PTPRS: variants seen among roughly 807,000 people sequenced by gnomAD.
PTPRS encodes receptor-type tyrosine-protein phosphatase S.
Under a neutral mutation model 215.3 loss-of-function variants are expected in PTPRS, and 63 were observed. That is an observed-to-expected ratio of 0.29 (90% confidence interval 0.24 to 0.36). The LOEUF (loss-of-function observed/expected upper bound fraction) is 0.36. Ranked by LOEUF, PTPRS falls within the 10% of genes least tolerant of loss-of-function variation. The probability of loss-of-function intolerance (pLI) is 1.00; values close to 1 mark genes in which losing one functional copy is unlikely to be tolerated. For missense variants in PTPRS, 2,258 were observed against 2,825.8 expected, an observed-to-expected ratio of 0.80 and a Z score of 4.56; for synonymous variants, 1,404 against 1,191.4, an observed-to-expected ratio of 1.18 and a Z score of -3.68.
At chr19:5,236,817 G>A (rs1483838710) in intron 13 of PTPRS, among the ~76,000 whole-genome samples, 1 of 150,826 alleles carries the variant, frequency 6.6e-6, no homozygotes, top group African/African-American at 2.5e-5. Flanking sequence ...AAGGTGCCCG[G>A]GGGGTGCGGG....
chr19:5,269,240 G>T (rs530935456), intron 4 of PTPRS, among the ~76,000 whole-genome samples: 1 of 152,084 alleles, frequency 6.6e-6, no homozygotes. Context: ...GCCCCGCAGG[G>T]GTCCCCATAA....
intron 1 of PTPRS, among the ~76,000 whole-genome samples, chr19:5,291,453 C>A (rs2048809660): frequency 6.6e-6 from 1 of 152,104 alleles, no homozygotes; most frequent in African/African-American, 2.4e-5. Context: ...GTGTGTCCCC[C>A]ATGCTGGCTT....
chr19:5,280,700 G>A (rs990712940), intron 2 of PTPRS, among the ~76,000 whole-genome samples: 4 of 152,024 alleles, frequency 2.6e-5, no homozygotes, highest in African/African-American at 9.7e-5. Flanking sequence ...CAGCCTGGGT[G>A]ACAAAAGCAA....
intron 30 of PTPRS, 37 bp downstream of exon 30, chr19:5,214,324 C>T (rs2041214020): frequency 1.2e-6 from 2 of 1,613,614 alleles, no homozygotes; most frequent in Non-Finnish European, 1.7e-6. Context: ...CAACACATTC[C>T]TCCACCCTCA....
At chr19:5,222,431 G>C (rs577349276) in intron 18 of PTPRS, among the ~76,000 whole-genome samples, 2 of 150,398 alleles carry the variant, frequency 1.3e-5, no homozygotes, top group African/African-American at 4.9e-5. Flanking sequence ...CGGGTGCAGA[G>C]GCTGCAGAAA....
chr19:5,307,470 A>G (rs1267720857), intron 1 of PTPRS, among the ~76,000 whole-genome samples: 1 of 152,194 alleles, frequency 6.6e-6, no homozygotes. Flanking sequence ...TGAGAATACC[A>G]GATGTACAAT....
intron 4 of PTPRS, among the ~76,000 whole-genome samples, chr19:5,270,235 A>G (rs1198290858): frequency 2.0e-5 from 3 of 152,140 alleles, no homozygotes; most frequent in African/African-American, 7.2e-5. Context: ...TCTTGTTAGA[A>G]AAGTATTAAG....
At position 5,244,611 on chromosome 19, in the gene PTPRS, T is replaced by A; in HGVS notation, c.989-129A>T. The A allele has an allele frequency of 1.4e-6, 1 of 712,206 alleles. No individual in the cohort carries two copies. The highest frequency in any genetic ancestry group is 2.3e-6 in the Non-Finnish European group (1 of 432,504). 44.1% of individuals were successfully genotyped at this position (712,206 alleles called of 1,614,324 possible). A position where few individuals can be genotyped will look rare whatever the true frequency, so the allele number is the denominator to read the frequency against. On this transcript the variant is annotated intron_variant, in intron 10 of 37. Coordinates refer to ENST00000262963, the MANE Select transcript of PTPRS (RefSeq NM_002850.4). The surrounding 1 kb of genome is among the most constrained non-coding windows in gnomAD (Gnocchi z 7.2). ...TGCCCAGCAGTAATCATGGGCCTCA[T>A]GACTCCTGTCATCGTCTACAGCAAG...
chr19:5,229,121 C>T (rs543229780), intron 16 of PTPRS, among the ~76,000 whole-genome samples, 195 bp downstream of exon 16: 1 of 152,312 alleles, frequency 6.6e-6, no homozygotes, highest in Non-Finnish European at 1.5e-5. Context: ...CACAGTGGTC[C>T]GAGTATCCCA....
At chr19:5,242,508 C>T (rs2044127854) in intron 11 of PTPRS, among the ~76,000 whole-genome samples, 3 of 151,682 alleles carry the variant, frequency 2.0e-5, no homozygotes, top group African/African-American at 4.8e-5. Context: ...GCTGGAACTA[C>T]AGGCGTGTGC....
chr19:5,272,467 A>G (rs898966728), intron 4 of PTPRS, among the ~76,000 whole-genome samples: 9 of 151,360 alleles, frequency 5.9e-5, no homozygotes, highest in African/African-American at 1.2e-4. Flanking sequence ...GCGTGGTGGC[A>G]TGTGCCTGTA....
rs1224619620 is a variant in PTPRS, at chr19:5,218,571, G to A, written c.3936-39C>T. On this transcript the variant is annotated intron_variant, in intron 24 of 37. Coordinates refer to ENST00000262963, the MANE Select transcript of PTPRS (RefSeq NM_002850.4). ...AAGCGGAACAGTCCAGTTAGTAGTG[G>A]CACATGTTCATGTGTGAACACAATT... 7 of 1,589,810 alleles carry A rather than the reference G, an allele frequency of 4.4e-6. No homozygotes were observed. In the East Asian group the frequency reaches 1.6e-4, roughly 36 times the overall value.
chr19:5,215,579 C>CG lies in PTPRS; in HGVS notation c.4112dup (p.Pro1372AlafsTer27), dbSNP rs751550801. 1 of 1,573,610 alleles carries CG rather than the reference C, an allele frequency of 6.4e-7. No homozygotes were observed. The highest frequency in any genetic ancestry group is 1.1e-5 in the South Asian group (1 of 88,558). On this transcript the variant is annotated frameshift_variant, in exon 27 of 38. Coordinates refer to ENST00000262963, the MANE Select transcript of PTPRS (RefSeq NM_002850.4). LOFTEE classifies it high-confidence loss of function. ...CCGCCATGTCTGCGATGGGAATTGG[C>CG]GGGTGGCTAAGCATGCCTACAGGGT... is the stretch of plus-strand genomic sequence containing the variant.
chr19:5,214,352 G>A lies in PTPRS; in HGVS notation c.4614+9C>T. 6.2e-7 allele frequency: 1 copy of A among 1,613,920 alleles called. No individual in the cohort carries two copies. The highest frequency in any genetic ancestry group is 8.5e-7 in the Non-Finnish European group (1 of 1,180,010). On this transcript the variant is annotated intron_variant, in intron 30 of 37. Transcript: ENST00000262963. ...CACCCTCAGCCCCCAGCCCCAGCCT[G>A]GGCCCCACCTTGTGCAGAGAGAATG... is the stretch of plus-strand genomic sequence containing the variant.
At chr19:5,262,272 C>CAA (rs969338093) in intron 6 of PTPRS, among the ~76,000 whole-genome samples, 1 of 149,988 alleles carries the variant, frequency 6.7e-6, no homozygotes, top group Admixed American at 6.6e-5. Flanking sequence ...AAGACTGTCT[C>CAA]AAAAAAAAAG....
At chr19:5,337,560 G>A (rs2050545732) in intron 1 of PTPRS, among the ~76,000 whole-genome samples, 1 of 152,212 alleles carries the variant, frequency 6.6e-6, no homozygotes, top group Non-Finnish European at 1.5e-5. Flanking sequence ...CAACCCCGAA[G>A]GCAGAAGGGG....
At chr19:5,320,519 T>C (rs888501353) in intron 1 of PTPRS, among the ~76,000 whole-genome samples, 1 of 152,186 alleles carries the variant, frequency 6.6e-6, no homozygotes, top group African/African-American at 2.4e-5. Context: ...AAACTCTGCC[T>C]CAAACGATTC....
chr19:5,260,613 C>T (rs1300230904), intron 7 of PTPRS, among the ~76,000 whole-genome samples, 192 bp downstream of exon 7: 2 of 152,176 alleles, frequency 1.3e-5, no homozygotes, highest in Non-Finnish European at 2.9e-5. Context: ...GGAGTCACCT[C>T]GGCCACATTC....
At position 5,217,437 on chromosome 19, in the gene PTPRS, G is replaced by A. The variant is rs562139285; in HGVS notation, c.4049-670C>T. Among the ~76,000 whole-genome samples the A allele has an allele frequency of 2.0e-5, 3 of 152,240 alleles. No homozygotes were observed. In the South Asian group the frequency reaches 6.2e-4, roughly 32 times the overall value. On this transcript the variant is annotated intron_variant, in intron 25 of 37. Transcript: ENST00000262963. The stretch of plus-strand genomic sequence containing the variant: ...AGAATACACGAGGGGTGATACATGA[G>A]GCCCTGCATGATCCCTTTATGAGGA...
Sources: gnomAD v4.1 joint callset for allele counts (sites outside exome capture counted in the v4.1 genomes callset) on GRCh38, gnomAD v4.1.1 for gene constraint, Gnocchi (gnomAD v3.1) non-coding constraint, MANE v1.5 for transcripts, NCBI Gene and HGNC (gene_info 2026-07-23, HGNC 2026-07-21) for gene names.